SH3RF1: variants seen among roughly 807,000 people sequenced by gnomAD.
SH3RF1 encodes the protein SH3 domain containing ring finger 1.
SH3RF1 carries 32 observed loss-of-function variants against 74.0 expected under a neutral mutation model. The ratio of observed to expected loss-of-function variants is 0.43; its 90% CI spans 0.33 to 0.58. The LOEUF is 0.58. Ranked by LOEUF, SH3RF1 falls within the 20% of genes least tolerant of loss-of-function variation. SH3RF1 has a pLI of 0.05. For synonymous variants in SH3RF1, 396 were observed against 439.6 expected, an observed-to-expected ratio of 0.90 and a Z score of 1.24; for missense variants, 954 against 1,130.9, an observed-to-expected ratio of 0.84 and a Z score of 2.24.
chr4:169,216,926 G>A (rs997634303), intron 2 of SH3RF1, among the ~76,000 whole-genome samples: 11 of 150,774 alleles, frequency 7.3e-5, no homozygotes, highest in Non-Finnish European at 5.9e-5. Flanking sequence ...CGAGGCAGGC[G>A]GATCACTTGA....
chr4:169,181,752 A>C (rs1311838018), intron 2 of SH3RF1, among the ~76,000 whole-genome samples: 1 of 152,182 alleles, frequency 6.6e-6, no homozygotes, highest in Admixed American at 6.5e-5. Context: ...AAAATCCATT[A>C]TCTCCTTTAC....
chr4:169,232,404 C>T (rs140207710), intron 2 of SH3RF1, among the ~76,000 whole-genome samples: 27 of 152,222 alleles, frequency 1.8e-4, no homozygotes, highest in African/African-American at 6.3e-4. Context: ...CTCTGTGTGG[C>T]GTGACAACTG....
intron 6 of SH3RF1, 35 bp downstream of exon 6, chr4:169,130,011 A>G (rs559427283): frequency 6.4e-7 from 1 of 1,565,302 alleles, no homozygotes; most frequent in African/African-American, 1.4e-5. Context: ...CTAAAGACCT[A>G]AAAGAGAAAT....
chr4:169,246,415 T>C (rs781337381), intron 2 of SH3RF1, among the ~76,000 whole-genome samples: 1 of 152,214 alleles, frequency 6.6e-6, no homozygotes, highest in Non-Finnish European at 1.5e-5. Context: ...GCTAGGAGTA[T>C]GTGCAACCCC....
In SH3RF1 at chr4:169,251,653, G is replaced by T. The variant is rs144854345; in HGVS notation, c.393+17167C>A. Among the ~76,000 whole-genome samples the T allele has an allele frequency of 2.6e-3, 403 of 152,280 alleles. 5 individuals are homozygous for T. Among genetic ancestry groups the T allele is most frequent in the Non-Finnish European group, 2.1e-3 (144 of 68,028 alleles). ...GATTGTGAGAAATGGAATGCACTGG[G>T]AGCGGTCCCCATCTCCCTTTTATGA... On this transcript the variant is annotated intron_variant, in intron 2 of 11. Transcript: ENST00000284637.
chr4:169,103,086 A>AATTTTTTT (rs1733068203), intron 11 of SH3RF1, among the ~76,000 whole-genome samples: 1 of 87,072 alleles, frequency 1.1e-5, no homozygotes, highest in Non-Finnish European at 2.1e-5. Flanking sequence ...GCGCCTGGCT[A>AATTTTTTT]TTTTTTTTTT....
At chr4:169,244,104 T>C (rs78864796) in intron 2 of SH3RF1, among the ~76,000 whole-genome samples, 2,735 of 152,328 alleles carry the variant, frequency 0.018, 76 homozygotes, top group African/African-American at 0.063. Context: ...TCCCTTTGTC[T>C]GATCTCAAAA....
chr4:169,261,953 C>T (rs1731284765), intron 2 of SH3RF1, among the ~76,000 whole-genome samples: 1 of 151,272 alleles, frequency 6.6e-6, no homozygotes, highest in South Asian at 2.1e-4. Flanking sequence ...ATTTTTTAAA[C>T]AGAAAGAAAA....
Position 169,268,810 on chromosome 4 carries a change from G to C in SH3RF1, c.393+10C>G. The C allele has an allele frequency of 3.2e-6, 5 of 1,561,744 alleles. No homozygotes were observed. The highest frequency in any genetic ancestry group is 4.3e-6 in the Non-Finnish European group (5 of 1,157,820). On this transcript the variant is annotated intron_variant, in intron 2 of 11. Coordinates refer to ENST00000284637, the MANE Select transcript of SH3RF1 (RefSeq NM_020870.4). ...CTTTATTCACCAAACTACCTCTGTA[G>C]GCTACTTACCCTCACTGGGGGGCTC...
intron 4 of SH3RF1, among the ~76,000 whole-genome samples, chr4:169,143,620 A>G (rs1329788488): frequency 1.3e-5 from 2 of 152,170 alleles, no homozygotes; most frequent in African/African-American, 2.4e-5. Context: ...TGGGTCCTGA[A>G]GCAGTGCACT....
chr4:169,251,411 A>C (rs550226101), intron 2 of SH3RF1, among the ~76,000 whole-genome samples: 1 of 152,346 alleles, frequency 6.6e-6, no homozygotes, highest in Non-Finnish European at 1.5e-5. Context: ...GCAGCCTTAA[A>C]ATCGTGCACA....
chr4:169,222,918 T>G (rs917180884), intron 2 of SH3RF1, among the ~76,000 whole-genome samples: 1 of 152,222 alleles, frequency 6.6e-6, no homozygotes, highest in African/African-American at 2.4e-5. Flanking sequence ...TGGGCGGCTA[T>G]AAATGCCTGT....
chr4:169,148,691 A>G (rs1043180073), intron 4 of SH3RF1, among the ~76,000 whole-genome samples: 12 of 152,204 alleles, frequency 7.9e-5, no homozygotes, highest in Non-Finnish European at 1.5e-5. Context: ...CAAACGGGGT[A>G]CTGTAGAAGT....
At position 169,096,701 on chromosome 4, in the gene SH3RF1, A is replaced by G. The variant is rs201445783; in HGVS notation, c.2499-14T>C. On this transcript the variant is annotated splice_polypyrimidine_tract_variant and intron_variant, in intron 11 of 11. Transcript: ENST00000284637. ...ACCACCCTGTGCCTAGAAAAGAAAG[A>G]GATTTTGGTTAAGGCGATTCAAAGC... 2 of 1,602,378 alleles carry G rather than the reference A, an allele frequency of 1.2e-6. No individual in the cohort carries two copies. Among genetic ancestry groups the G allele is most frequent in the Middle Eastern group, 1.7e-4 (1 of 5,994 alleles).
chr4:169,121,221 G>C (rs1461167885), intron 7 of SH3RF1, among the ~76,000 whole-genome samples: 1 of 152,190 alleles, frequency 6.6e-6, no homozygotes, highest in African/African-American at 2.4e-5. Context: ...TCCCAGTATG[G>C]AAGTTACTAT....
At chr4:169,219,824 A>C (rs1024103582) in intron 2 of SH3RF1, among the ~76,000 whole-genome samples, 1 of 152,198 alleles carries the variant, frequency 6.6e-6, no homozygotes, top group Non-Finnish European at 1.5e-5. Flanking sequence ...TAGAAAATCA[A>C]TTATTTACAT....
At position 169,122,315 on chromosome 4, in the gene SH3RF1, CT is replaced by C. The variant is rs1218065743; in HGVS notation, c.1180-50del. On this transcript the variant is annotated intron_variant, in intron 6 of 11. Coordinates refer to ENST00000284637, the MANE Select transcript of SH3RF1 (RefSeq NM_020870.4). ...GAAAGGGAAAAAAGGGAACAAAATA[CT>C]GATTTACATCTTCCTATGGAAGGTG... The C allele has an allele frequency of 6.6e-6, 10 of 1,525,902 alleles. No homozygotes were observed. In the Admixed American group the frequency reaches 2.0e-4, roughly 31 times the overall value. The allele number at this position is 1,525,902 out of a possible 1,614,324, so 94.5% of individuals were successfully genotyped here.
In SH3RF1 at chr4:169,222,478, A is replaced by G. The variant is rs141563402; in HGVS notation, c.393+46342T>C. ...GAGACTCGGTCTAAAAAATACATATATATGTATTTTATATATATATTTTTA... is the reference window on the plus strand; with the variant it reads ...GAGACTCGGTCTAAAAAATACATATGTATGTATTTTATATATATATTTTTA... On this transcript the variant is annotated intron_variant, in intron 2 of 11. Transcript: ENST00000284637. 2.6e-3 allele frequency among the ~76,000 whole-genome samples: 393 copies of G among 149,310 alleles called. 11 individuals are homozygous for G. In the East Asian group the frequency reaches 0.071, roughly 27 times the overall value.
At chr4:169,248,383 A>C (rs1731043785) in intron 2 of SH3RF1, among the ~76,000 whole-genome samples, 1 of 152,184 alleles carries the variant, frequency 6.6e-6, no homozygotes, top group Non-Finnish European at 1.5e-5. Flanking sequence ...AAACTAACAC[A>C]GGAACAGAAA....
Sources: allele counts gnomAD v4.1 joint callset (sites outside exome capture counted in the v4.1 genomes callset), GRCh38; gene constraint gnomAD v4.1.1; transcripts MANE v1.5; gene names NCBI Gene and HGNC (gene_info 2026-07-23, HGNC 2026-07-21).